ST18: variants seen among roughly 807,000 people sequenced by gnomAD.
The protein encoded by ST18 is suppression of tumorigenicity 18 protein.
A neutral mutation model predicts 110.0 loss-of-function variants in ST18; 50 were observed. The observed-to-expected ratio is 0.45, with a 90% CI of 0.36 to 0.58. The LOEUF is 0.58. Among genes scored for constraint, ST18 ranks in the 20% least tolerant of loss-of-function variants. The probability of loss-of-function intolerance (pLI) is 0.00; values close to 1 mark genes in which losing one functional copy is unlikely to be tolerated. For synonymous variants in ST18, 461 were observed against 452.4 expected (o/e 1.02, Z -0.24); for missense variants, 1,306 against 1,280.1 (o/e 1.02, Z -0.31).
intron 7 of ST18, among the ~76,000 whole-genome samples, chr8:52,212,335 G>A (rs1006816589): frequency 1.4e-4 from 21 of 152,130 alleles, no homozygotes; most frequent in Non-Finnish European, 3.1e-4. Context: ...CCTGATAATC[G>A]TAGATTGGAC....
chr8:52,197,899 A>ACAC (rs2076699521), intron 8 of ST18, among the ~76,000 whole-genome samples: 1 of 151,584 alleles, frequency 6.6e-6, no homozygotes. Context: ...GCACACACAC[A>ACAC]CACACACACA....
rs1266964577 is a variant in ST18, at chr8:52,387,689, T to TA, written c.-465+21638dup. ...AGTGTTAGAAAAGTCACAAAAAGTG[T>TA]ACGTTCATAACAGTTACCATGACCC... On this transcript the variant is annotated intron_variant, in intron 2 of 25. Coordinates refer to ENST00000689386, the MANE Select transcript of ST18 (RefSeq NM_001352837.2). 5.9e-5 allele frequency among the ~76,000 whole-genome samples: 9 copies of TA among 152,208 alleles called. 1 individual carries two copies. Among genetic ancestry groups the TA allele is most frequent in the African/African-American group, 1.9e-4 (8 of 41,524 alleles).
chr8:52,268,225 C>T (rs966214131), intron 2 of ST18, among the ~76,000 whole-genome samples: 3 of 152,188 alleles, frequency 2.0e-5, no homozygotes, highest in African/African-American at 7.2e-5. Context: ...AGGTCTTCTC[C>T]TATTCAAAGA....
intron 2 of ST18, among the ~76,000 whole-genome samples, chr8:52,243,424 T>A (rs2093600996): frequency 6.6e-6 from 1 of 152,168 alleles, no homozygotes; most frequent in Admixed American, 6.5e-5. Context: ...TGGGACTCAG[T>A]GTCATTTGAC....
intron 16 of ST18, among the ~76,000 whole-genome samples, chr8:52,147,878 C>T (rs954616648): frequency 5.3e-5 from 8 of 152,134 alleles, no homozygotes; most frequent in Non-Finnish European, 8.8e-5. Flanking sequence ...AAAGCTAACT[C>T]GTATGTAGTA....
At chr8:52,116,481 C>A in intron 24 of ST18, 63 bp from the exon 25 acceptor site, 1 of 1,526,442 alleles carries the variant, frequency 6.6e-7, no homozygotes, top group South Asian at 1.3e-5. Flanking sequence ...AAAGGTTTCT[C>A]CCTGAAGGAA....
rs78242906 is a variant in ST18, at chr8:52,214,224, T to C, written c.34A>G (p.Thr12Ala). Residue 12 changes from threonine to alanine, a missense_variant, in exon 7 of 26, where the codon ACT becomes GCT. By Grantham distance (58) the Thr-to-Ala change is moderately conservative. Transcript: ENST00000689386. ...TCACCCTCGGTTCCTTTAGAGCGAG[T>C]ACGCAGCGTTTTATCTTCAGCCTCT... ...DAEAEDKTLR[T>A]RSKGTEVPMD... 1.1e-5 allele frequency: 18 copies of C among 1,613,926 alleles called. No individual in the cohort carries two copies. In the East Asian group the frequency reaches 3.1e-4, roughly 28 times the overall value.
At chr8:52,308,220 G>A (rs1028446904) in intron 2 of ST18, among the ~76,000 whole-genome samples, 1 of 152,046 alleles carries the variant, frequency 6.6e-6, no homozygotes, top group Non-Finnish European at 1.5e-5. Context: ...TCAAACCAAG[G>A]CGAAAAAACC....
intron 2 of ST18, among the ~76,000 whole-genome samples, chr8:52,233,741 C>T (rs1395613773): frequency 3.9e-5 from 6 of 152,164 alleles, no homozygotes; most frequent in Non-Finnish European, 7.4e-5. Context: ...TGGCTTCTCT[C>T]TAGATAACAG....
intron 19 of ST18, among the ~76,000 whole-genome samples, chr8:52,133,732 AT>A (rs1035679958): frequency 2.0e-5 from 3 of 149,472 alleles, no homozygotes; most frequent in Non-Finnish European, 4.4e-5. Flanking sequence ...TATTATTATT[AT>A]TATTATTGTT....
At chr8:52,265,121 A>T (rs982735750) in intron 2 of ST18, among the ~76,000 whole-genome samples, 1 of 152,220 alleles carries the variant, frequency 6.6e-6, no homozygotes, top group African/African-American at 2.4e-5. Flanking sequence ...TGAAAAGATG[A>T]TGTTTGTTAC....
chr8:52,332,736 A>G (rs1487871899), intron 2 of ST18, among the ~76,000 whole-genome samples: 1 of 151,958 alleles, frequency 6.6e-6, no homozygotes, highest in Non-Finnish European at 1.5e-5. Context: ...CTGTAATCCC[A>G]GCTACTCAGG....
intron 2 of ST18, among the ~76,000 whole-genome samples, chr8:52,273,800 G>C (rs1483922188): frequency 2.0e-5 from 3 of 152,166 alleles, no homozygotes; most frequent in African/African-American, 7.2e-5. Context: ...TGCTTAATCA[G>C]TGTGTATATC....
At position 52,321,077 on chromosome 8, in the gene ST18, C is replaced by T. The variant is rs941399833; in HGVS notation, c.-465+88251G>A. On this transcript the variant is annotated intron_variant, in intron 2 of 25. Transcript: ENST00000689386. ...TCAAGTTGCAGAATGATCCTTTTAGCGTGTCACCAAAGTCACAGATTTTCA... is the reference window on the plus strand; with the variant it reads ...TCAAGTTGCAGAATGATCCTTTTAGTGTGTCACCAAAGTCACAGATTTTCA... Among the ~76,000 whole-genome samples, 17 of 152,258 alleles carry T rather than the reference C, an allele frequency of 1.1e-4. 1 individual carries two copies. The highest frequency in any genetic ancestry group is 5.8e-4 in the East Asian group (3 of 5,178).
intron 15 of ST18, among the ~76,000 whole-genome samples, chr8:52,151,786 A>T (rs192235592): frequency 2.3e-4 from 35 of 151,866 alleles, no homozygotes; most frequent in Non-Finnish European, 3.8e-4. Context: ...ATAAAAAAAT[A>T]AAAAAAAACT....
chr8:52,280,243 A>G lies in ST18; in HGVS notation c.-464-50166T>C, dbSNP rs575674551. 1.8e-4 allele frequency among the ~76,000 whole-genome samples: 28 copies of G among 152,276 alleles called. No homozygotes were observed. In the South Asian group the frequency reaches 5.8e-3, roughly 32 times the overall value. On this transcript the variant is annotated intron_variant, in intron 2 of 25. Coordinates refer to ENST00000689386, the MANE Select transcript of ST18 (RefSeq NM_001352837.2). ...GAAACAAAGAAAAAGCAGAGCAAAG[A>G]GAAATTACCAGATATCATGGCAAAA...
intron 2 of ST18, among the ~76,000 whole-genome samples, chr8:52,236,309 G>T (rs914664981): frequency 2.6e-5 from 4 of 152,152 alleles, no homozygotes; most frequent in African/African-American, 9.7e-5. Context: ...GTACAAGCTA[G>T]TATTCAGAAC....
At chr8:52,381,456 C>T (rs940027596) in intron 2 of ST18, among the ~76,000 whole-genome samples, 10 of 152,148 alleles carry the variant, frequency 6.6e-5, no homozygotes, top group African/African-American at 2.4e-4. Context: ...TTTTACCATC[C>T]ATCTCCAAGA....
At chr8:52,224,181 A>G (rs1029979348) in intron 3 of ST18, among the ~76,000 whole-genome samples, 1 of 152,154 alleles carries the variant, frequency 6.6e-6, no homozygotes, top group East Asian at 1.9e-4. Flanking sequence ...TTTTATTTTT[A>G]TATTAGTCAG....
Sources: allele counts gnomAD v4.1 joint callset (sites outside exome capture counted in the v4.1 genomes callset), GRCh38; gene constraint gnomAD v4.1.1; transcripts MANE v1.5; gene names NCBI Gene and HGNC (gene_info 2026-07-23, HGNC 2026-07-21).